Variants in ABCB8 observed in about 807,000 individuals in gnomAD.
ABCB8 encodes the protein ATP binding cassette subfamily B member 8, also known as mitochondrial potassium channel ATP-binding subunit.
ABCB8 carries 52 observed loss-of-function variants against 73.0 expected under a neutral mutation model. That is an observed-to-expected ratio of 0.71 (90% CI 0.57 to 0.90). ABCB8 has a LOEUF of 0.90. ABCB8 is among the 40% of genes least tolerant of loss of function. The probability of loss-of-function intolerance (pLI) is 0.00; values close to 1 mark genes in which losing one functional copy is unlikely to be tolerated. For synonymous variants in ABCB8, 428 were observed against 423.5 expected (o/e 1.01, Z -0.13); for missense variants, 909 against 974.6 (o/e 0.93, Z 0.90).
intron 1 of ABCB8, chr7:151,031,375 G>A (rs1796158137): frequency 1.3e-6 from 2 of 1,500,734 alleles, no homozygotes; most frequent in Non-Finnish European, 1.8e-6. Context: ...TGGGGTGGGA[G>A]AAGGCCTCAT....
At chr7:151,041,489 C>T (rs1215937278) in intron 13 of ABCB8, among the ~76,000 whole-genome samples, 1 of 152,248 alleles carries the variant, frequency 6.6e-6, no homozygotes, top group Non-Finnish European at 1.5e-5. Flanking sequence ...GATGGGGAAT[C>T]CCTCAGATTC....
rs1563299714 is a variant in ABCB8, at chr7:151,040,501, GT to G, written c.1256del (p.Val419AlafsTer4). 6.2e-7 allele frequency: 1 copy of G among 1,610,756 alleles called. No homozygotes were observed. Among genetic ancestry groups the G allele is most frequent in the Non-Finnish European group, 8.5e-7 (1 of 1,177,996 alleles). Reference sequence around the variant, plus strand: ...GACTTTGGATCCCCTCCCACAGGTGGTCCGGGGGCTGAGTGCAGGTGCCCGG... The same window carrying G: ...GACTTTGGATCCCCTCCCACAGGTGGCCGGGGGCTGAGTGCAGGTGCCCGG... ...ANLSVLFGQV[V>X]RGLSAGARVF... On this transcript the variant is annotated frameshift_variant, in exon 11 of 16. Coordinates refer to ENST00000358849, the MANE Select transcript of ABCB8 (RefSeq NM_007188.5). LOFTEE classifies it high-confidence loss of function.
In ABCB8 at chr7:151,041,119, C is replaced by T. The variant is rs756613881; in HGVS notation, c.1504C>T (p.Leu502=). 1.9e-6 allele frequency: 3 copies of T among 1,613,504 alleles called. No individual in the cohort carries two copies. In the Admixed American group the frequency reaches 5.0e-5, roughly 27 times the overall value. Reference sequence around the variant, plus strand: ...CCCAGGAAAGACCACCGTGGCTTCCCTGCTGGAGCGCTTCTACGACCCCAC... The same window carrying T: ...CCCAGGAAAGACCACCGTGGCTTCCTTGCTGGAGCGCTTCTACGACCCCAC... ...SGGGKTTVAS[L]LERFYDPTAG... Residue 502 remains leucine (L), a synonymous_variant, in exon 13 of 16, where the codon CTG becomes TTG. Transcript: ENST00000358849.
Position 151,040,865 on chromosome 7 carries a change from T to A in ABCB8, c.1426T>A (p.Phe476Ile). 6.2e-7 allele frequency: 1 copy of A among 1,604,558 alleles called. No individual in the cohort carries two copies. The part of the protein sequence containing the change: ...CRPGFEVLKD[F>I]TLTLPPGKIV... ...CCCCGGCTTCGAGGTGCTGAAAGAC[T>A]TCACCCTGACGCTGCCCCCTGGCAA... Residue 476 changes from phenylalanine (F) to isoleucine (I), a missense_variant, in exon 12 of 16, where the codon TTC becomes ATC. Transcript: ENST00000358849.
At chr7:151,040,707 G>T in intron 11 of ABCB8, 73 bp downstream of exon 11, 3 of 1,600,394 alleles carry the variant, frequency 1.9e-6, no homozygotes. Context: ...GGGGGTGGAG[G>T]TCTGGACTAA....
chr7:151,030,658 A>G (rs2117199755), intron 1 of ABCB8, among the ~76,000 whole-genome samples: 1 of 149,636 alleles, frequency 6.7e-6, no homozygotes, highest in East Asian at 2.0e-4. Context: ...TACAAAACTT[A>G]GCCGGGTGCG....
rs140779359 is a variant in ABCB8 at position 151,040,559 on chromosome 7, T to A, written c.1313T>A (p.Ile438Asn). 48 of 1,613,322 alleles carry A rather than the reference T, an allele frequency of 3.0e-5. No homozygotes were observed. Among genetic ancestry groups the A allele is most frequent in the Non-Finnish European group, 3.8e-5 (45 of 1,179,940 alleles). Residue 438 changes from isoleucine (I) to asparagine (N), a missense_variant, in exon 11 of 16, where the codon ATC (isoleucine) becomes AAC (asparagine). Transcript: ENST00000358849. Reference sequence around the variant, plus strand: ...GAGTACATGGCCCTGAACCCCTGCATCCCACTGTCTGGGGGCTGCTGCGTC... The same window carrying A: ...GAGTACATGGCCCTGAACCCCTGCAACCCACTGTCTGGGGGCTGCTGCGTC... ...VFEYMALNPC[I>N]PLSGGCCVPK... is the part of the protein sequence containing the mutation.
intron 4 of ABCB8, 30 bp from the exon 5 acceptor site, chr7:151,034,694 C>T: frequency 1.9e-6 from 3 of 1,610,192 alleles, no homozygotes; most frequent in Non-Finnish European, 1.7e-6. Flanking sequence ...CCCTCTTCTG[C>T]CCTCCTTATT....
rs771464302 is a variant in ABCB8, at chr7:151,028,557, A to G, written c.42A>G (p.Pro14=). The change falls in exon 1 of 16, where the codon CCA becomes CCG. Residue 14 remains proline, a synonymous_variant. Transcript: ENST00000358849. The part of the protein sequence containing the change: ...HLFRVGIRGG[P]FPGRLLPPLR... ...TTCGGGTCGGGATTCGGGGTGGCCC[A>G]TTCCCAGGCAGGCTGCTACCGCCCC... 4 of 1,613,918 alleles carry G rather than the reference A, an allele frequency of 2.5e-6. No individual in the cohort carries two copies. Among genetic ancestry groups the G allele is most frequent in the Non-Finnish European group, 3.4e-6 (4 of 1,180,012 alleles).
intron 1 of ABCB8, chr7:151,029,010 A>T: frequency 8.3e-7 from 1 of 1,207,858 alleles, no homozygotes; most frequent in Non-Finnish European, 1.1e-6. Context: ...AGAACTAGAG[A>T]TGTTCAGCAG....
In ABCB8 at chr7:151,044,080, G is replaced by A; in HGVS notation, c.1875G>A (p.Leu625=). Residue 625 remains leucine (L), a synonymous_variant, in exon 15 of 16, where the codon CTG becomes CTA. Coordinates refer to ENST00000358849, the MANE Select transcript of ABCB8 (RefSeq NM_007188.5). ...VLILDEATSA[L]DAESERVVQE... ...TACTGGATGAAGCTACCAGCGCGCT[G>A]GATGCAGAGTCCGAGCGGGTTGTAC... is the stretch of plus-strand genomic sequence containing the variant. 6.2e-7 allele frequency: 1 copy of A among 1,613,812 alleles called. No individual in the cohort carries two copies. Among genetic ancestry groups the A allele is most frequent in the Non-Finnish European group, 8.5e-7 (1 of 1,179,978 alleles).
Position 151,031,278 on chromosome 7 carries a change from A to G in ABCB8, c.96-2327A>G, listed in dbSNP as rs745393797. The G allele has an allele frequency of 4.5e-6, 7 of 1,555,036 alleles. No individual in the cohort carries two copies. The Admixed American group carries it at 7.5e-5, about 17-fold the overall frequency. On this transcript the variant is annotated intron_variant, in intron 1 of 15. Coordinates refer to ENST00000358849, the MANE Select transcript of ABCB8 (RefSeq NM_007188.5). ...TAATGGGAAAACTGGACAGTTACAC[A>G]AGGCAGAAGGAGAGTAAGCGTCTCT...
At chr7:151,035,816 G>C (rs1269638031) in intron 6 of ABCB8, 66 bp from the exon 7 acceptor site, 1 of 1,609,888 alleles carries the variant, frequency 6.2e-7, no homozygotes, top group African/African-American at 1.3e-5. Flanking sequence ...ACTCCTCCCT[G>C]TCCCCATCCT....
rs1312007960 is a variant in ABCB8, at chr7:151,034,813, A to C, written c.749A>C (p.Lys250Thr). The part of the protein sequence containing the change: ...TDVQEFKSSF[K>T]LVISQGLRSC... Reference sequence around the variant, plus strand: ...GTGCAGGAGTTTAAGTCATCCTTCAAGCTTGTCATCTCCCAGGTCAGTGGC... The same window carrying C: ...GTGCAGGAGTTTAAGTCATCCTTCACGCTTGTCATCTCCCAGGTCAGTGGC... Residue 250 changes from lysine (K) to threonine (T), a missense_variant, in exon 5 of 16, where the codon AAG becomes ACG. Lys to Thr is a moderately conservative substitution (Grantham distance 78, BLOSUM62 -1). Transcript: ENST00000358849. The C allele has an allele frequency of 6.2e-7, 1 of 1,613,634 alleles. No homozygotes were observed. The highest frequency in any genetic ancestry group is 8.5e-7 in the Non-Finnish European group (1 of 1,179,872).
chr7:151,036,773 A>G, intron 9 of ABCB8, 124 bp downstream of exon 9: 1 of 867,834 alleles, frequency 1.2e-6, no homozygotes. Context: ...AGGCCTGCCC[A>G]GCTTCCCCAG....
intron 9 of ABCB8, 72 bp from the exon 10 acceptor site, chr7:151,040,196 C>T: frequency 1.9e-6 from 3 of 1,567,538 alleles, no homozygotes; most frequent in South Asian, 2.3e-5. Flanking sequence ...CCCCGCCCCA[C>T]CGTGGCTTCC....
At position 151,028,884 on chromosome 7, in the gene ABCB8, C is replaced by T. The variant is rs531875217; in HGVS notation, c.95+274C>T. The T allele has an allele frequency of 8.6e-6, 13 of 1,505,294 alleles. No homozygotes were observed. In the Admixed American group the frequency reaches 1.5e-4, roughly 17 times the overall value. 93.2% of individuals were successfully genotyped at this position (1,505,294 alleles called of 1,614,324 possible). On this transcript the variant is annotated intron_variant, in intron 1 of 15. Coordinates refer to ENST00000358849, the MANE Select transcript of ABCB8 (RefSeq NM_007188.5). The stretch of plus-strand genomic sequence containing the variant: ...GACCACGCCCAGTCCGCACTCCCGA[C>T]CGGGGGTCCCCTTTCCTGGCCCTGG...
intron 9 of ABCB8, chr7:151,037,351 G>T: frequency 1.4e-6 from 1 of 702,192 alleles, no homozygotes. Flanking sequence ...CCCCATGCCT[G>T]CCACTTCCAG....
At chr7:151,037,671 A>G in intron 9 of ABCB8, 1 of 256,398 alleles carries the variant, frequency 3.9e-6, no homozygotes, top group Non-Finnish European at 7.2e-6. Context: ...CTGCTCTTCC[A>G]CCGGGGCCCC....
Sources: allele counts gnomAD v4.1 joint callset (sites outside exome capture counted in the v4.1 genomes callset), GRCh38; gene constraint gnomAD v4.1.1; transcripts MANE v1.5; gene names NCBI Gene and HGNC (gene_info 2026-07-23, HGNC 2026-07-21).